The following AXIN1 variants were observed in gnomAD, a reference collection of about 807,000 sequenced individuals.
The protein encoded by AXIN1 is axin-1.
In AXIN1, 30 loss-of-function variants were observed where a neutral mutation model predicts 76.4. The observed-to-expected ratio is 0.39, with a 90% CI of 0.29 to 0.53. The LOEUF is 0.53. Among genes scored for constraint, AXIN1 ranks in the 20% least tolerant of loss-of-function variants. The pLI is 0.66. For missense variants in AXIN1, 1,140 were observed against 1,198.8 expected, an observed-to-expected ratio of 0.95 and a Z score of 0.72; for synonymous variants, 545 against 501.4, an observed-to-expected ratio of 1.09 and a Z score of -1.16.
intron 2 of AXIN1, among the ~76,000 whole-genome samples, chr16:343,421 G>A (rs931015547): frequency 6.6e-6 from 1 of 152,136 alleles, no homozygotes; most frequent in Non-Finnish European, 1.5e-5. Flanking sequence ...ACCAGCCGGG[G>A]CCGGGCGCAG....
At chr16:302,568 G>A (rs544791451) in intron 5 of AXIN1, among the ~76,000 whole-genome samples, 6 of 152,238 alleles carry the variant, frequency 3.9e-5, no homozygotes, top group Admixed American at 2.6e-4. Context: ...TGGAGTGCCC[G>A]GCGCACGGTT....
rs574973287 is a variant in AXIN1 at position 301,059 on chromosome 16, G to A, written c.1255-2808C>T. Among the ~76,000 whole-genome samples, 58 of 151,890 alleles carry A rather than the reference G, an allele frequency of 3.8e-4. 1 individual carries two copies. In the South Asian group the frequency reaches 7.3e-3, roughly 19 times the overall value. The stretch of plus-strand genomic sequence containing the variant: ...GCCGAGGCGGGTGGATCACAAGGTC[G>A]GGAGATCGAGACCATCCTGGCTAAC... On this transcript the variant is annotated intron_variant, in intron 5 of 10. Transcript: ENST00000262320.
chr16:301,602 G>A lies in AXIN1; in HGVS notation c.1254+2702C>T, dbSNP rs1351935168. ...GGCCAGGAGTTCAAGACCAGTGTGG[G>A]TAATATAGCAAGATTCCATCTCTAC... is the stretch of plus-strand genomic sequence containing the variant. On this transcript the variant is annotated intron_variant, in intron 5 of 10. Transcript: ENST00000262320. Among the ~76,000 whole-genome samples the A allele has an allele frequency of 4.6e-5, 7 of 152,138 alleles. No individual in the cohort carries two copies. The East Asian group carries it at 1.2e-3, about 25-fold the overall frequency.
Position 288,006 on chromosome 16 carries a change from G to A in AXIN1, c.*116C>T, listed in dbSNP as rs1210036521. Reference sequence around the variant, plus strand: ...AGACACGGGTAGACCACAGGGATGGGTGGTACACCCAACACTGTTCCCCAT... The same window carrying A: ...AGACACGGGTAGACCACAGGGATGGATGGTACACCCAACACTGTTCCCCAT... On this transcript the variant is annotated 3_prime_UTR_variant, in exon 11 of 11. Transcript: ENST00000262320. 3.9e-6 allele frequency: 6 copies of A among 1,547,606 alleles called. No individual in the cohort carries two copies. The highest frequency in any genetic ancestry group is 5.3e-6 in the Non-Finnish European group (6 of 1,132,496).
intron 2 of AXIN1, among the ~76,000 whole-genome samples, chr16:330,046 A>G (rs554856062): frequency 1.7e-3 from 254 of 149,222 alleles, no homozygotes; most frequent in South Asian, 9.2e-3. Flanking sequence ...GATTACAGGC[A>G]TGACCCACTG....
Position 352,656 on chromosome 16 carries a change from C to G in AXIN1, c.-369G>C, listed in dbSNP as rs2054171754. 2 of 156,542 alleles carry G rather than the reference C, an allele frequency of 1.3e-5. No homozygotes were observed. The highest frequency in any genetic ancestry group is 1.6e-4 in the East Asian group (1 of 6,092). The allele number at this position is 156,542 out of a possible 1,614,324, so 9.7% of individuals were successfully genotyped here. ...GGCGGCAGCGGCCACGATCGCCTCCCGAGCCAGAGCCCGAGCCAGAGCGCC... is the reference window on the plus strand; with the variant it reads ...GGCGGCAGCGGCCACGATCGCCTCCGGAGCCAGAGCCCGAGCCAGAGCGCC... On this transcript the variant is annotated 5_prime_UTR_variant, in exon 1 of 11. Coordinates refer to ENST00000262320, the MANE Select transcript of AXIN1 (RefSeq NM_003502.4).
In AXIN1 at chr16:346,223, G is replaced by C. The variant is rs747747465; in HGVS notation, c.803C>G (p.Pro268Arg). ...GRDAAPPGRL[P>R]QKLLLETAAP... ...AGCTGTCTCCAGGAGCAGCTTCTGA[G>C]GGAGTCTTCCGGGGGGAGCAGCGTC... Residue 268 changes from proline to arginine, a missense_variant, in exon 2 of 11, where the codon CCT (proline) becomes CGT (arginine). Physicochemically the swap from Pro to Arg is moderately radical, Grantham distance 103. Transcript: ENST00000262320. 1 of 1,614,094 alleles carries C rather than the reference G, an allele frequency of 6.2e-7. No individual in the cohort carries two copies. Among genetic ancestry groups the C allele is most frequent in the Non-Finnish European group, 8.5e-7 (1 of 1,180,024 alleles).
chr16:310,125 C>T (rs2053136545), intron 3 of AXIN1, 56 bp from the exon 4 acceptor site: 14 of 1,523,602 alleles, frequency 9.2e-6, no homozygotes, highest in Middle Eastern at 1.8e-4. Context: ...GGGCCAGCAC[C>T]GTGCCAATAG....
chr16:330,562 T>C (rs960584094), intron 2 of AXIN1, among the ~76,000 whole-genome samples: 3 of 152,184 alleles, frequency 2.0e-5, no homozygotes, highest in Non-Finnish European at 2.9e-5. Flanking sequence ...ACACCGTGCA[T>C]TGAATTCAGT....
chr16:336,978 T>C (rs1174588812), intron 2 of AXIN1, among the ~76,000 whole-genome samples: 1 of 150,614 alleles, frequency 6.6e-6, no homozygotes, highest in African/African-American at 2.4e-5. Context: ...TGAAACCCCG[T>C]CTCTACTAAA....
At chr16:325,934 CCACT>C (rs2053570485) in intron 2 of AXIN1, among the ~76,000 whole-genome samples, 1 of 152,126 alleles carries the variant, frequency 6.6e-6, no homozygotes, top group Non-Finnish European at 1.5e-5. Flanking sequence ...AGAGAGGGCC[CCACT>C]CACTCACGCT....
At chr16:348,667 G>C (rs2054081153) in intron 1 of AXIN1, among the ~76,000 whole-genome samples, 1 of 152,162 alleles carries the variant, frequency 6.6e-6, no homozygotes, top group Non-Finnish European at 1.5e-5. Context: ...GCCGGGTATG[G>C]TAGCGTATGC....
In AXIN1 at chr16:288,100, C is replaced by T. The variant is rs2052436180; in HGVS notation, c.*22G>A. 1 of 1,612,996 alleles carries T rather than the reference C, an allele frequency of 6.2e-7. No homozygotes were observed. The highest frequency in any genetic ancestry group is 1.1e-5 in the South Asian group (1 of 91,090). On this transcript the variant is annotated 3_prime_UTR_variant, in exon 11 of 11. Transcript: ENST00000262320. Reference sequence around the variant, plus strand: ...TGCCCGCCAAGGGCCTCGCCTGGCACAGCGGCCAGCCCACCAGCCTATCAG... The same window carrying T: ...TGCCCGCCAAGGGCCTCGCCTGGCATAGCGGCCAGCCCACCAGCCTATCAG...
chr16:343,050 C>T (rs1219882171), intron 2 of AXIN1, among the ~76,000 whole-genome samples: 1 of 152,184 alleles, frequency 6.6e-6, no homozygotes, highest in African/African-American at 2.4e-5. Context: ...CAGAGATCTT[C>T]AAGCCACAAG....
chr16:296,488 C>T (rs1037571680), intron 7 of AXIN1, among the ~76,000 whole-genome samples: 6 of 152,204 alleles, frequency 3.9e-5, no homozygotes, highest in Non-Finnish European at 8.8e-5. Flanking sequence ...GAGTGCAGGC[C>T]CAGGGGGCGA....
intron 3 of AXIN1, among the ~76,000 whole-genome samples, chr16:311,233 T>C (rs1678288371): frequency 6.6e-6 from 1 of 151,678 alleles, no homozygotes; most frequent in South Asian, 2.1e-4. Flanking sequence ...GGTTTCACTG[T>C]GTTAACCACG....
At chr16:344,158 C>T (rs951114142) in intron 2 of AXIN1, among the ~76,000 whole-genome samples, 2 of 152,098 alleles carry the variant, frequency 1.3e-5, no homozygotes, top group African/African-American at 2.4e-5. Flanking sequence ...AAAGGCCGGG[C>T]GTGGTGGCCC....
chr16:336,492 C>T (rs990755044), intron 2 of AXIN1, among the ~76,000 whole-genome samples: 6 of 152,264 alleles, frequency 3.9e-5, no homozygotes, highest in East Asian at 1.9e-4. Flanking sequence ...AGAACGCAAA[C>T]GTGGGGCCCT....
chr16:340,772 G>T (rs541819075), intron 2 of AXIN1, among the ~76,000 whole-genome samples: 1 of 152,322 alleles, frequency 6.6e-6, no homozygotes, highest in South Asian at 2.1e-4. Context: ...TGGGTGAGTG[G>T]GACAAACACA....
Sources: allele counts gnomAD v4.1 joint callset (sites outside exome capture counted in the v4.1 genomes callset), GRCh38; gene constraint gnomAD v4.1.1; transcripts MANE v1.5; gene names NCBI Gene and HGNC (gene_info 2026-07-23, HGNC 2026-07-21).